PPP3CA: variants seen among roughly 807,000 people sequenced by gnomAD.
PPP3CA encodes the protein CAM-PRP catalytic subunit.
In PPP3CA, 14 loss-of-function variants were observed where a neutral mutation model predicts 66.5. The observed-to-expected ratio is 0.21, with a 90% CI of 0.14 to 0.33. PPP3CA has a LOEUF of 0.33. PPP3CA is among the 10% of genes least tolerant of loss of function. The probability of loss-of-function intolerance (pLI) is 1.00; values close to 1 mark genes in which losing one functional copy is unlikely to be tolerated. For synonymous variants in PPP3CA, 232 were observed against 226.2 expected (o/e 1.03, Z -0.23); for missense variants, 317 against 639.5 (o/e 0.50, Z 5.44).
In PPP3CA at chr4:101,347,004, C is replaced by T; in HGVS notation, c.-208G>A. ...TCCGCCGCCGCCGCCTTCACTCCTC[C>T]TCCGCCGCTGCCGCCAGCCCCGCCG... On this transcript the variant is annotated 5_prime_UTR_variant, in exon 1 of 14. Coordinates refer to ENST00000394854, the MANE Select transcript of PPP3CA (RefSeq NM_000944.5). 1.6e-6 allele frequency: 1 copy of T among 609,900 alleles called. No individual in the cohort carries two copies. Among genetic ancestry groups the T allele is most frequent in the Non-Finnish European group, 2.9e-6 (1 of 350,704 alleles). The allele number at this position is 609,900 out of a possible 1,614,324, so 37.8% of individuals were successfully genotyped here.
intron 1 of PPP3CA, among the ~76,000 whole-genome samples, chr4:101,210,598 C>A (rs1305726909): frequency 2.6e-5 from 4 of 152,076 alleles, no homozygotes; most frequent in Admixed American, 2.6e-4. Flanking sequence ...GCCACACATC[C>A]TAATCATCCC....
chr4:101,093,473 T>A (rs112707341), intron 6 of PPP3CA, among the ~76,000 whole-genome samples: 3,529 of 152,202 alleles, frequency 0.023, 62 homozygotes, highest in Middle Eastern at 0.089. Context: ...AAACATAACT[T>A]CTATATGCAC....
chr4:101,082,618 A>T (rs191127458), intron 7 of PPP3CA, among the ~76,000 whole-genome samples: 4 of 152,308 alleles, frequency 2.6e-5, no homozygotes, highest in African/African-American at 9.6e-5. Flanking sequence ...ACATCTTAGA[A>T]ACTTACCAGG....
chr4:101,312,190 ATATG>A (rs1264685973), intron 1 of PPP3CA, among the ~76,000 whole-genome samples: 2 of 152,170 alleles, frequency 1.3e-5, no homozygotes, highest in African/African-American at 4.8e-5. Context: ...ATACATGCAT[ATATG>A]TATTATATAA....
chr4:101,174,840 A>G (rs1724006329), intron 2 of PPP3CA, among the ~76,000 whole-genome samples: 1 of 152,172 alleles, frequency 6.6e-6, no homozygotes, highest in Non-Finnish European at 1.5e-5. Flanking sequence ...AGAGCTTGAC[A>G]GGTACTAACT....
At chr4:101,077,184 A>T (rs559051094) in intron 8 of PPP3CA, among the ~76,000 whole-genome samples, 1 of 152,358 alleles carries the variant, frequency 6.6e-6, no homozygotes, top group African/African-American at 2.4e-5. Context: ...AACTACTAAT[A>T]AGAAATACTG....
At chr4:101,056,836 CAAA>C (rs572758644) in intron 10 of PPP3CA, among the ~76,000 whole-genome samples, 1 of 79,712 alleles carries the variant, frequency 1.3e-5, no homozygotes, top group East Asian at 4.4e-4. Context: ...ATAATGTTAC[CAAA>C]AAAAAAAAAA....
At chr4:101,205,727 T>C (rs1256860877) in intron 1 of PPP3CA, among the ~76,000 whole-genome samples, 1 of 152,224 alleles carries the variant, frequency 6.6e-6, no homozygotes, top group Non-Finnish European at 1.5e-5. Context: ...TTTAATGAAT[T>C]GACTTTCTCT....
intron 1 of PPP3CA, among the ~76,000 whole-genome samples, chr4:101,327,658 A>C (rs1729249010): frequency 6.6e-6 from 1 of 152,192 alleles, no homozygotes; most frequent in Non-Finnish European, 1.5e-5. Flanking sequence ...TATAACATTC[A>C]AATTAGCTGT....
intron 7 of PPP3CA, among the ~76,000 whole-genome samples, chr4:101,082,961 C>G (rs1003495386): frequency 6.6e-6 from 1 of 152,146 alleles, no homozygotes; most frequent in African/African-American, 2.4e-5. Flanking sequence ...TGGACTTGTT[C>G]AGGCTAAAGA....
At chr4:101,065,269 C>T (rs1728634464) in intron 8 of PPP3CA, among the ~76,000 whole-genome samples, 1 of 152,008 alleles carries the variant, frequency 6.6e-6, no homozygotes, top group Non-Finnish European at 1.5e-5. Context: ...TACCAGAGTT[C>T]TAGCTCCATG....
Position 101,298,339 on chromosome 4 carries a change from G to GATAT in PPP3CA, c.58+48396_58+48399dup, listed in dbSNP as rs3078022. ...TAACAATACCTATACCAAGCAGGGA[G>GATAT]ATATATATATATATATATATATTAC... On this transcript the variant is annotated intron_variant, in intron 1 of 13. Coordinates refer to ENST00000394854, the MANE Select transcript of PPP3CA (RefSeq NM_000944.5). 5.6e-3 allele frequency among the ~76,000 whole-genome samples: 811 copies of GATAT among 143,780 alleles called. 9 individuals are homozygous for GATAT. The highest frequency in any genetic ancestry group is 0.025 in the Middle Eastern group (7 of 280). The allele number at this position is 143,780 out of a possible 152,430, so 94.3% of individuals were successfully genotyped here. A position where few individuals can be genotyped will look rare whatever the true frequency, so the allele number is the denominator to read the frequency against.
chr4:101,228,889 T>C (rs1725865467), intron 1 of PPP3CA, among the ~76,000 whole-genome samples: 1 of 151,696 alleles, frequency 6.6e-6, no homozygotes, highest in African/African-American at 2.4e-5. Context: ...AAAGTTTAGT[T>C]GGTGCTGTCC....
intron 1 of PPP3CA, among the ~76,000 whole-genome samples, chr4:101,323,940 T>C (rs1380795236): frequency 2.0e-5 from 3 of 151,910 alleles, no homozygotes; most frequent in Non-Finnish European, 2.9e-5. Flanking sequence ...TGGTGAAACC[T>C]GGTCTCTACT....
At chr4:101,288,551 G>T (rs988648450) in intron 1 of PPP3CA, among the ~76,000 whole-genome samples, 1 of 151,642 alleles carries the variant, frequency 6.6e-6, no homozygotes, top group African/African-American at 2.4e-5. Context: ...GGAGCGGGAG[G>T]GGGAGGGGAG....
chr4:101,280,151 A>G (rs1167506354), intron 1 of PPP3CA, among the ~76,000 whole-genome samples: 1 of 152,240 alleles, frequency 6.6e-6, no homozygotes, highest in African/African-American at 2.4e-5. Context: ...TATTCTTGGA[A>G]TGTAAAGCAA....
At chr4:101,098,143 C>T (rs1477408718) in intron 5 of PPP3CA, among the ~76,000 whole-genome samples, 1 of 152,022 alleles carries the variant, frequency 6.6e-6, no homozygotes, top group African/African-American at 2.4e-5. Flanking sequence ...AGACACATGT[C>T]AGATGGTAAG....
intron 1 of PPP3CA, among the ~76,000 whole-genome samples, chr4:101,307,214 A>G (rs892897651): frequency 4.6e-4 from 70 of 151,946 alleles, no homozygotes; most frequent in Admixed American, 7.9e-4. Context: ...GTGTATTTAT[A>G]CAAATGACCC....
chr4:101,289,134 C>G (rs1578633059), intron 1 of PPP3CA, among the ~76,000 whole-genome samples: 1 of 152,174 alleles, frequency 6.6e-6, no homozygotes, highest in Non-Finnish European at 1.5e-5. Context: ...CTATGTATAT[C>G]TACATTAAAA....
Sources: allele counts gnomAD v4.1 joint callset (sites outside exome capture counted in the v4.1 genomes callset), GRCh38; gene constraint gnomAD v4.1.1; transcripts MANE v1.5; gene names NCBI Gene and HGNC (gene_info 2026-07-23, HGNC 2026-07-21).